The following MCPH1 variants were observed in gnomAD, a reference collection of about 807,000 sequenced individuals.
MCPH1 encodes the protein microcephalin 1.
MCPH1 carries 104 observed loss-of-function variants against 84.5 expected under a neutral mutation model. That is an observed-to-expected ratio of 1.23 (90% confidence interval 1.05 to 1.45). MCPH1 has a LOEUF of 1.45. Among genes scored for constraint, MCPH1 ranks in the 40% most tolerant of loss-of-function variants. The probability of loss-of-function intolerance (pLI) is 0.00; values close to 1 mark genes in which losing one functional copy is unlikely to be tolerated. For synonymous variants in MCPH1, 514 were observed against 366.8 expected (o/e 1.40, Z -4.58); for missense variants, 1,498 against 1,005.7 (o/e 1.49, Z -6.62).
At chr8:6,570,708 G>C (rs536862275) in intron 12 of MCPH1, among the ~76,000 whole-genome samples, 18 of 151,990 alleles carry the variant, frequency 1.2e-4, no homozygotes, top group African/African-American at 4.3e-4. Context: ...TCTTATTTAG[G>C]TGGCTTAAAA....
At chr8:6,587,259 G>A (rs73184409) in intron 12 of MCPH1, among the ~76,000 whole-genome samples, 1,673 of 152,242 alleles carry the variant, frequency 0.011, 16 homozygotes, top group Non-Finnish European at 0.018. Context: ...TCTCTGAATC[G>A]ACTTCTCACT....
intron 2 of MCPH1, among the ~76,000 whole-genome samples, chr8:6,411,178 G>C (rs1798483872): frequency 6.6e-6 from 1 of 152,144 alleles, no homozygotes; most frequent in Non-Finnish European, 1.5e-5. Context: ...ATTTACACAG[G>C]CCTGGTTGAA....
At chr8:6,476,154 C>T (rs950291038) in intron 9 of MCPH1, among the ~76,000 whole-genome samples, 6 of 152,078 alleles carry the variant, frequency 3.9e-5, no homozygotes, top group South Asian at 2.1e-4. Flanking sequence ...TCAGGCCAGG[C>T]GCGGTGGCTC....
intron 12 of MCPH1, among the ~76,000 whole-genome samples, chr8:6,533,106 A>T (rs1819835147): frequency 6.6e-6 from 1 of 152,156 alleles, no homozygotes; most frequent in Non-Finnish European, 1.5e-5. Context: ...ACATGTATGC[A>T]TTTTTCACAA....
At chr8:6,590,970 C>T (rs1025411822) in intron 12 of MCPH1, among the ~76,000 whole-genome samples, 3 of 152,224 alleles carry the variant, frequency 2.0e-5, no homozygotes, top group South Asian at 4.1e-4. Context: ...GGCGCAATCT[C>T]GGCTCACTGC....
intron 8 of MCPH1, among the ~76,000 whole-genome samples, chr8:6,452,851 C>G (rs1585860062): frequency 6.6e-6 from 1 of 152,222 alleles, no homozygotes; most frequent in South Asian, 2.1e-4. Context: ...CCGAAGAAGA[C>G]AGACATTCAT....
chr8:6,617,405 A>G (rs1830917292), intron 12 of MCPH1, among the ~76,000 whole-genome samples: 1 of 151,158 alleles, frequency 6.6e-6, no homozygotes, highest in Non-Finnish European at 1.5e-5. Context: ...TCAGCTTCCC[A>G]AAAGTTATGA....
chr8:6,606,581 C>T (rs566097999), intron 12 of MCPH1, among the ~76,000 whole-genome samples: 4 of 152,284 alleles, frequency 2.6e-5, no homozygotes, highest in East Asian at 1.9e-4. Context: ...TGCCCCCTCC[C>T]ACACAGGGAG....
At chr8:6,625,427 A>T (rs1016171807) in intron 13 of MCPH1, 2 of 985,332 alleles carry the variant, frequency 2.0e-6, no homozygotes, top group Non-Finnish European at 2.4e-6. Flanking sequence ...CCATTATAAC[A>T]AATGCTTCTC....
At chr8:6,423,349 T>G (rs1464056440) in intron 3 of MCPH1, among the ~76,000 whole-genome samples, 1 of 150,572 alleles carries the variant, frequency 6.6e-6, no homozygotes, top group African/African-American at 2.5e-5. Flanking sequence ...GTATTTTTAG[T>G]AGAGACGGGG....
chr8:6,465,014 A>G (rs1490225170), intron 9 of MCPH1, among the ~76,000 whole-genome samples: 2 of 151,464 alleles, frequency 1.3e-5, no homozygotes, highest in African/African-American at 4.9e-5. Context: ...AAAAAAAAAG[A>G]AAAATTCTGC....
intron 5 of MCPH1, among the ~76,000 whole-genome samples, chr8:6,437,854 G>T (rs879840518): frequency 2.7e-4 from 41 of 151,992 alleles, no homozygotes; most frequent in Non-Finnish European, 5.3e-4. Context: ...CTGATGCCTG[G>T]ATCATCCCTC....
chr8:6,483,301 C>G (rs966026686), intron 11 of MCPH1, among the ~76,000 whole-genome samples: 4 of 152,202 alleles, frequency 2.6e-5, no homozygotes, highest in Admixed American at 6.5e-5. Flanking sequence ...TCAGTGGACT[C>G]TTTCAAGATA....
At chr8:6,522,772 T>C (rs1302271327) in intron 12 of MCPH1, among the ~76,000 whole-genome samples, 1 of 130,050 alleles carries the variant, frequency 7.7e-6, no homozygotes, top group Non-Finnish European at 1.6e-5. Flanking sequence ...AGACATCGTC[T>C]CAAAAAAAAA....
At position 6,588,915 on chromosome 8, in the gene MCPH1, C is replaced by T. The variant is rs541378528; in HGVS notation, c.2215-32539C>T. ...GGGGCTTTCCATCCTTTATAGTCTACCTGCTACTTATAGGCCACCAGGACA... is the reference window on the plus strand; with the variant it reads ...GGGGCTTTCCATCCTTTATAGTCTATCTGCTACTTATAGGCCACCAGGACA... On this transcript the variant is annotated intron_variant, in intron 12 of 13. Transcript: ENST00000344683. 1.3e-4 allele frequency among the ~76,000 whole-genome samples: 20 copies of T among 152,346 alleles called. 1 individual carries two copies. In the South Asian group the frequency reaches 3.1e-3, roughly 24 times the overall value.
At chr8:6,453,450 T>A (rs1399211548) in intron 8 of MCPH1, among the ~76,000 whole-genome samples, 2 of 152,276 alleles carry the variant, frequency 1.3e-5, no homozygotes, top group East Asian at 3.9e-4. Flanking sequence ...GTGTTGCATT[T>A]CTTAGAACTT....
At chr8:6,427,516 C>T (rs534716685) in intron 3 of MCPH1, among the ~76,000 whole-genome samples, 18 of 152,052 alleles carry the variant, frequency 1.2e-4, no homozygotes, top group Non-Finnish European at 1.5e-4. Context: ...GGACTACAGG[C>T]GTGTGCCACT....
At chr8:6,406,752 G>T (rs951385987) in intron 1 of MCPH1, 63 bp downstream of exon 1, 3 of 1,573,840 alleles carry the variant, frequency 1.9e-6, no homozygotes, top group Admixed American at 3.4e-5. Flanking sequence ...CCCTCGTCGC[G>T]GGCGCACTCG....
intron 2 of MCPH1, among the ~76,000 whole-genome samples, chr8:6,411,087 C>G (rs1798471854): frequency 6.6e-6 from 1 of 152,028 alleles, no homozygotes; most frequent in African/African-American, 2.4e-5. Flanking sequence ...AAGATTCTGT[C>G]TCCAAAAACC....
Sources: gnomAD v4.1 joint callset for allele counts (sites outside exome capture counted in the v4.1 genomes callset) on GRCh38, gnomAD v4.1.1 for gene constraint, MANE v1.5 for transcripts, NCBI Gene and HGNC (gene_info 2026-07-23, HGNC 2026-07-21) for gene names.